The following TRAPPC9 variants were observed in gnomAD, a reference collection of about 807,000 sequenced individuals.
TRAPPC9 encodes the protein IKK2 binding protein.
Under a neutral mutation model 124.0 loss-of-function variants are expected in TRAPPC9, and 83 were observed. That is an observed-to-expected ratio of 0.67 (90% CI 0.56 to 0.80). The LOEUF (loss-of-function observed/expected upper bound fraction) is 0.80, where lower values mean the gene tolerates loss of function less well. Ranked by LOEUF, TRAPPC9 falls within the 30% of genes least tolerant of loss-of-function variation. TRAPPC9 has a pLI of 0.00. For synonymous variants in TRAPPC9, 638 were observed against 617.5 expected (o/e 1.03, Z -0.49); for missense variants, 1,302 against 1,508.3 (o/e 0.86, Z 2.27).
chr8:140,066,026 T>G (rs1842881658), intron 17 of TRAPPC9, among the ~76,000 whole-genome samples: 1 of 152,236 alleles, frequency 6.6e-6, no homozygotes, highest in African/African-American at 2.4e-5. Context: ...AGATTCACCA[T>G]GCTAGATGCC....
intron 19 of TRAPPC9, among the ~76,000 whole-genome samples, chr8:139,921,687 G>A (rs1832512003): frequency 6.6e-6 from 1 of 151,416 alleles, no homozygotes; most frequent in African/African-American, 2.4e-5. Context: ...ACTAGTGCAT[G>A]CAGGCCAGCC....
chr8:139,810,722 G>A (rs4736008), intron 21 of TRAPPC9, among the ~76,000 whole-genome samples: 86,105 of 151,994 alleles, frequency 0.57, 24,633 homozygotes, highest in South Asian at 0.64. Flanking sequence ...TGAATTATGG[G>A]GAGGGGCAGC....
intron 21 of TRAPPC9, among the ~76,000 whole-genome samples, chr8:139,833,847 G>A (rs902855258): frequency 6.6e-6 from 1 of 152,214 alleles, no homozygotes; most frequent in Admixed American, 6.5e-5. Flanking sequence ...GAGTGTGGGG[G>A]AGGGGAGGCA....
At position 140,166,427 on chromosome 8, in the gene TRAPPC9, G is replaced by A. The variant is rs180699465; in HGVS notation, c.2556+55032C>T. 3.0e-3 allele frequency among the ~76,000 whole-genome samples: 456 copies of A among 152,330 alleles called. 1 individual carries two copies. The highest frequency in any genetic ancestry group is 0.01 in the Middle Eastern group (3 of 294). On this transcript the variant is annotated intron_variant, in intron 17 of 22. Coordinates refer to ENST00000438773, the MANE Select transcript of TRAPPC9 (RefSeq NM_001160372.4). Reference sequence around the variant, plus strand: ...CTCAGTCACACCCAGGGTCGGGACCGGAGTGGACACATGGTCCTCACCTCC... The same window carrying A: ...CTCAGTCACACCCAGGGTCGGGACCAGAGTGGACACATGGTCCTCACCTCC...
At chr8:140,297,762 C>T (rs558486647) in intron 11 of TRAPPC9, among the ~76,000 whole-genome samples, 56 of 152,372 alleles carry the variant, frequency 3.7e-4, no homozygotes, top group Non-Finnish European at 6.6e-4. Flanking sequence ...CCAGGTACCC[C>T]TGCTGACAGA....
At chr8:140,360,418 T>C (rs980651650) in intron 8 of TRAPPC9, among the ~76,000 whole-genome samples, 7 of 152,218 alleles carry the variant, frequency 4.6e-5, no homozygotes, top group Non-Finnish European at 1.0e-4. Flanking sequence ...AGCTTCTCTC[T>C]CTGCAAAGAC....
chr8:140,083,054 A>T (rs779968618), intron 17 of TRAPPC9, among the ~76,000 whole-genome samples: 1 of 152,176 alleles, frequency 6.6e-6, no homozygotes, highest in Non-Finnish European at 1.5e-5. Flanking sequence ...TCAGCTGGGC[A>T]TGGTGGCATG....
chr8:139,802,025 G>C (rs1474373907), intron 21 of TRAPPC9, among the ~76,000 whole-genome samples: 1 of 152,168 alleles, frequency 6.6e-6, no homozygotes, highest in Non-Finnish European at 1.5e-5. Flanking sequence ...AAGGTGCTGT[G>C]TCTCCCAGGA....
chr8:140,362,418 T>G (rs1366818344), intron 8 of TRAPPC9, among the ~76,000 whole-genome samples: 1 of 152,200 alleles, frequency 6.6e-6, no homozygotes, highest in African/African-American at 2.4e-5. Context: ...TGATTTAATC[T>G]GGGCAATGGA....
intron 19 of TRAPPC9, among the ~76,000 whole-genome samples, chr8:139,923,560 A>T (rs1371197414): frequency 6.6e-6 from 1 of 150,426 alleles, no homozygotes; most frequent in Non-Finnish European, 1.5e-5. Flanking sequence ...CACCTGGAAA[A>T]ATTCTCCATC....
intron 21 of TRAPPC9, among the ~76,000 whole-genome samples, chr8:139,791,466 C>T (rs957454919): frequency 2.0e-5 from 3 of 151,338 alleles, no homozygotes; most frequent in East Asian, 2.0e-4. Flanking sequence ...ACCCGTCTCC[C>T]GTGCACAGAC....
intron 17 of TRAPPC9, among the ~76,000 whole-genome samples, chr8:140,203,358 C>G (rs1382617390): frequency 6.6e-6 from 1 of 152,160 alleles, no homozygotes; most frequent in East Asian, 1.9e-4. Context: ...AATTTCTCTC[C>G]TTTCATTTTT....
At chr8:139,895,729 G>C (rs1830628608) in intron 20 of TRAPPC9, among the ~76,000 whole-genome samples, 1 of 152,234 alleles carries the variant, frequency 6.6e-6, no homozygotes, top group Non-Finnish European at 1.5e-5. Flanking sequence ...GCAAGTCACT[G>C]ATACACTTGG....
In TRAPPC9 at chr8:140,365,472, A is replaced by T. The variant is rs113353885; in HGVS notation, c.1352-5279T>A. Among the ~76,000 whole-genome samples, 719 of 152,352 alleles carry T rather than the reference A, an allele frequency of 4.7e-3. 8 individuals are homozygous for T. The highest frequency in any genetic ancestry group is 0.016 in the African/African-American group (679 of 41,576). On this transcript the variant is annotated intron_variant, in intron 8 of 22. Transcript: ENST00000438773. ...GAGGCCACAGCTAGCCTTGGCGTGG[A>T]TTAGAAAGAGATGCCCCGTAGGCAA...
chr8:139,834,044 G>A (rs1183578031), intron 21 of TRAPPC9, among the ~76,000 whole-genome samples: 1 of 152,198 alleles, frequency 6.6e-6, no homozygotes, highest in Non-Finnish European at 1.5e-5. Context: ...GTGACACTGG[G>A]CAAGTCATGG....
At chr8:139,976,158 T>C (rs1270393580) in intron 19 of TRAPPC9, among the ~76,000 whole-genome samples, 2 of 152,094 alleles carry the variant, frequency 1.3e-5, no homozygotes, top group Non-Finnish European at 2.9e-5. Context: ...CCCAAAGTGC[T>C]GGGATTACAG....
chr8:139,728,383 G>A lies in TRAPPC9; in HGVS notation c.*2678C>T, dbSNP rs1370568601. ...CTGGCTTACCCTCCGCTGGCCTTCA[G>A]GAGGTTTCTGAATGCACCAGGGGCC... is the stretch of plus-strand genomic sequence containing the variant. On this transcript the variant is annotated 3_prime_UTR_variant, in exon 23 of 23. Transcript: ENST00000438773. Among the ~76,000 whole-genome samples the A allele has an allele frequency of 6.6e-6, 1 of 152,212 alleles. No homozygotes were observed. The highest frequency in any genetic ancestry group is 6.5e-5 in the Admixed American group (1 of 15,282).
chr8:140,242,213 C>T (rs908387376), intron 16 of TRAPPC9, among the ~76,000 whole-genome samples: 3 of 151,770 alleles, frequency 2.0e-5, no homozygotes, highest in African/African-American at 7.3e-5. Flanking sequence ...AAGTGAGGAG[C>T]CCATTTGTTT....
intron 19 of TRAPPC9, among the ~76,000 whole-genome samples, chr8:139,978,653 T>C (rs976446799): frequency 3.3e-5 from 5 of 152,156 alleles, no homozygotes; most frequent in Admixed American, 1.3e-4. Flanking sequence ...CTTCTGTGTA[T>C]GTGTGTGAAA....
Sources: allele counts gnomAD v4.1 joint callset (sites outside exome capture counted in the v4.1 genomes callset), GRCh38; gene constraint gnomAD v4.1.1; transcripts MANE v1.5; gene names NCBI Gene and HGNC (gene_info 2026-07-23, HGNC 2026-07-21).